The following CDKAL1 variants were observed in gnomAD, a reference collection of about 807,000 sequenced individuals.
The protein encoded by CDKAL1 is CDKAL1 threonylcarbamoyladenosine tRNA methylthiotransferase.
In CDKAL1, 32 loss-of-function variants were observed where a neutral mutation model predicts 68.2. That is an observed-to-expected ratio of 0.47 (90% CI 0.35 to 0.63). The LOEUF is 0.63. CDKAL1 is among the 30% of genes least tolerant of loss of function. The pLI is 0.00. For missense variants in CDKAL1, 606 were observed against 696.7 expected, an observed-to-expected ratio of 0.87 and a Z score of 1.47; for synonymous variants, 234 against 244.3, an observed-to-expected ratio of 0.96 and a Z score of 0.39.
At chr6:20,672,080 A>G (rs764047444) in intron 5 of CDKAL1, among the ~76,000 whole-genome samples, 1 of 151,964 alleles carries the variant, frequency 6.6e-6, no homozygotes, top group African/African-American at 2.4e-5. Flanking sequence ...TTTTATTTAT[A>G]TTATAGTTTG....
chr6:21,069,490 G>T (rs1475194006), intron 12 of CDKAL1, among the ~76,000 whole-genome samples: 1 of 151,952 alleles, frequency 6.6e-6, no homozygotes, highest in East Asian at 1.9e-4. Context: ...TTGCATTCCT[G>T]TAATAAGCTT....
chr6:20,858,859 G>GA, intron 9 of CDKAL1, among the ~76,000 whole-genome samples: 1 of 152,042 alleles, frequency 6.6e-6, no homozygotes, highest in East Asian at 1.9e-4. Flanking sequence ...ATTAAAAACA[G>GA]AAAAAAAGGA....
intron 13 of CDKAL1, among the ~76,000 whole-genome samples, chr6:21,175,063 T>C (rs1251224689): frequency 6.6e-6 from 1 of 152,152 alleles, no homozygotes; most frequent in African/African-American, 2.4e-5. Context: ...CTTGAGTTTT[T>C]AAAATATCTC....
At chr6:20,763,418 T>C (rs1219393266) in intron 7 of CDKAL1, among the ~76,000 whole-genome samples, 1 of 152,158 alleles carries the variant, frequency 6.6e-6, no homozygotes, top group Non-Finnish European at 1.5e-5. Context: ...TTTTAGTAAA[T>C]CGTTCCTTTA....
At chr6:21,136,496 T>C (rs1037043168) in intron 13 of CDKAL1, among the ~76,000 whole-genome samples, 3 of 152,194 alleles carry the variant, frequency 2.0e-5, no homozygotes, top group Non-Finnish European at 2.9e-5. Flanking sequence ...ATAAATGTGT[T>C]TTAAAGGAAC....
At chr6:21,094,805 A>T (rs1773236372) in intron 12 of CDKAL1, among the ~76,000 whole-genome samples, 1 of 152,242 alleles carries the variant, frequency 6.6e-6, no homozygotes, top group African/African-American at 2.4e-5. Context: ...TGCTTATTAA[A>T]ATATAGTTAT....
intron 15 of CDKAL1, among the ~76,000 whole-genome samples, chr6:21,203,327 C>G (rs893722821): frequency 1.3e-5 from 2 of 149,488 alleles, no homozygotes; most frequent in Non-Finnish European, 3.0e-5. Flanking sequence ...GCCTCCACCC[C>G]CCAAGTTCAA....
chr6:20,709,930 A>G (rs1354960335), intron 5 of CDKAL1, among the ~76,000 whole-genome samples: 1 of 152,174 alleles, frequency 6.6e-6, no homozygotes, highest in Non-Finnish European at 1.5e-5. Context: ...TTCTCTCCCG[A>G]GTATTGGCAA....
chr6:20,903,313 C>T (rs1256514231), intron 9 of CDKAL1, among the ~76,000 whole-genome samples: 1 of 152,152 alleles, frequency 6.6e-6, no homozygotes, highest in Admixed American at 6.5e-5. Context: ...TCCCAAGCAT[C>T]ATTATTTGGA....
chr6:20,709,046 G>A (rs1771727973), intron 5 of CDKAL1, among the ~76,000 whole-genome samples: 1 of 151,972 alleles, frequency 6.6e-6, no homozygotes, highest in Non-Finnish European at 1.5e-5. Context: ...TGCAATGTAA[G>A]CTCCAAGGGC....
rs569514277 is a variant in CDKAL1, at chr6:20,899,738, G to C, written c.742+53560G>C. On this transcript the variant is annotated intron_variant, in intron 9 of 15. Coordinates refer to ENST00000274695, the MANE Select transcript of CDKAL1 (RefSeq NM_017774.3). ...CATGCCTATAATCCCAGCTACTTGG[G>C]AGACTGAGGCAGGAGAATCACTTGA... Among the ~76,000 whole-genome samples the C allele has an allele frequency of 9.1e-4, 138 of 152,276 alleles. 1 individual carries two copies. The South Asian group carries it at 0.011, about 12-fold the overall frequency.
chr6:20,710,998 T>C (rs1313729444), intron 5 of CDKAL1, among the ~76,000 whole-genome samples: 1 of 152,178 alleles, frequency 6.6e-6, no homozygotes, highest in Non-Finnish European at 1.5e-5. Flanking sequence ...TCTTAAAATG[T>C]CTATTTCTTT....
chr6:21,204,397 T>C (rs1778816870), intron 15 of CDKAL1, among the ~76,000 whole-genome samples: 1 of 152,200 alleles, frequency 6.6e-6, no homozygotes, highest in African/African-American at 2.4e-5. Context: ...TTACATTTTA[T>C]TTCATCTAGA....
chr6:20,854,699 C>T (rs944940432), intron 9 of CDKAL1, among the ~76,000 whole-genome samples: 13 of 152,192 alleles, frequency 8.5e-5, no homozygotes, highest in Non-Finnish European at 1.9e-4. Context: ...AAATCTGCTG[C>T]TTCTGGAAAT....
chr6:21,116,313 G>A (rs1399263706), intron 13 of CDKAL1, among the ~76,000 whole-genome samples: 1 of 152,150 alleles, frequency 6.6e-6, no homozygotes, highest in Non-Finnish European at 1.5e-5. Context: ...CAGTTACCCT[G>A]AGGATTGACA....
chr6:20,746,833 T>C (rs1238304971), intron 6 of CDKAL1, among the ~76,000 whole-genome samples: 1 of 152,232 alleles, frequency 6.6e-6, no homozygotes, highest in Non-Finnish European at 1.5e-5. Context: ...CATCTCCTTC[T>C]GTAGTTACTT....
chr6:20,824,587 T>C (rs1438682836), intron 8 of CDKAL1, among the ~76,000 whole-genome samples: 4 of 152,180 alleles, frequency 2.6e-5, no homozygotes, highest in Non-Finnish European at 5.9e-5. Flanking sequence ...GCCTGCTCCA[T>C]AGGGCAGCCT....
chr6:21,026,397 A>G (rs773946414), intron 11 of CDKAL1, among the ~76,000 whole-genome samples: 4 of 152,128 alleles, frequency 2.6e-5, no homozygotes, highest in Non-Finnish European at 5.9e-5. Context: ...GTTGCTGTCA[A>G]TTGGGAAAAC....
intron 8 of CDKAL1, among the ~76,000 whole-genome samples, chr6:20,833,154 A>T (rs1004716587): frequency 2.0e-5 from 3 of 152,198 alleles, no homozygotes; most frequent in Non-Finnish European, 4.4e-5. Flanking sequence ...TTATTGGAGA[A>T]TGAAAAGGTA....
Sources: gnomAD v4.1 joint callset for allele counts (sites outside exome capture counted in the v4.1 genomes callset) on GRCh38, gnomAD v4.1.1 for gene constraint, MANE v1.5 for transcripts, NCBI Gene and HGNC (gene_info 2026-07-23, HGNC 2026-07-21) for gene names.